Variants in CNTNAP2 observed in about 807,000 individuals in gnomAD.
CNTNAP2 encodes contactin-associated protein-like 2.
In CNTNAP2, 98 loss-of-function variants were observed where a neutral mutation model predicts 155.2. That is an observed-to-expected ratio of 0.63 (90% CI 0.54 to 0.75). The LOEUF is 0.75. Ranked by LOEUF, CNTNAP2 falls within the 30% of genes least tolerant of loss-of-function variation. CNTNAP2 has a pLI of 0.00. For synonymous variants in CNTNAP2, 651 were observed against 631.2 expected (o/e 1.03, Z -0.47); for missense variants, 1,727 against 1,688.1 (o/e 1.02, Z -0.40).
In CNTNAP2 at chr7:147,731,264, A is replaced by G. The variant is rs145060675; in HGVS notation, c.2098+91958A>G. ...CCATCTAGGACTTCTATAGCTAGAAAGAAAAAGTGGATGTCTGGCTTCAGG... is the reference window on the plus strand; with the variant it reads ...CCATCTAGGACTTCTATAGCTAGAAGGAAAAAGTGGATGTCTGGCTTCAGG... On this transcript the variant is annotated intron_variant, in intron 13 of 23. Coordinates refer to ENST00000361727, the MANE Select transcript of CNTNAP2 (RefSeq NM_014141.6). 3.3e-3 allele frequency among the ~76,000 whole-genome samples: 495 copies of G among 152,272 alleles called. 6 individuals carry two copies. Among genetic ancestry groups the G allele is most frequent in the African/African-American group, 0.011 (466 of 41,580 alleles).
At chr7:147,852,142 A>T (rs908789394) in intron 13 of CNTNAP2, among the ~76,000 whole-genome samples, 1 of 152,164 alleles carries the variant, frequency 6.6e-6, no homozygotes, top group Non-Finnish European at 1.5e-5. Context: ...TCAGGTTGTT[A>T]TCACATGGCC....
intron 14 of CNTNAP2, among the ~76,000 whole-genome samples, chr7:147,952,755 T>C (rs1231246440): frequency 6.6e-6 from 1 of 152,094 alleles, no homozygotes; most frequent in African/African-American, 2.4e-5. Flanking sequence ...CTTCCTGAAA[T>C]AATACTTATT....
chr7:147,955,872 A>C (rs1801010000), intron 14 of CNTNAP2, among the ~76,000 whole-genome samples: 1 of 152,214 alleles, frequency 6.6e-6, no homozygotes, highest in Non-Finnish European at 1.5e-5. Flanking sequence ...GTCTCCAAAG[A>C]ATGGCTTGTG....
chr7:146,498,220 G>A (rs996527017), intron 1 of CNTNAP2, among the ~76,000 whole-genome samples: 1 of 152,108 alleles, frequency 6.6e-6, no homozygotes, highest in African/African-American at 2.4e-5. Flanking sequence ...GATATCTGAG[G>A]AGGAATTATA....
intron 3 of CNTNAP2, among the ~76,000 whole-genome samples, chr7:146,899,895 T>G (rs893141122): frequency 6.6e-6 from 1 of 152,202 alleles, no homozygotes; most frequent in African/African-American, 2.4e-5. Context: ...TGGGAGCTTT[T>G]GGATATTAAC....
intron 1 of CNTNAP2, among the ~76,000 whole-genome samples, chr7:146,647,719 C>T (rs1258454164): frequency 2.0e-5 from 3 of 152,096 alleles, no homozygotes; most frequent in East Asian, 3.9e-4. Context: ...GCTCAAACTC[C>T]GTTTTGACCT....
At chr7:147,247,650 C>T (rs1003465911) in intron 8 of CNTNAP2, among the ~76,000 whole-genome samples, 1 of 152,114 alleles carries the variant, frequency 6.6e-6, no homozygotes, top group African/African-American at 2.4e-5. Flanking sequence ...GACAGAGATA[C>T]ATTGCTGTTA....
intron 14 of CNTNAP2, among the ~76,000 whole-genome samples, chr7:147,944,992 GCA>G (rs1800793190): frequency 6.6e-6 from 1 of 152,084 alleles, no homozygotes; most frequent in Non-Finnish European, 1.5e-5. Flanking sequence ...ATGCTCCCAG[GCA>G]CAGTTTCTTG....
At chr7:147,908,128 C>T (rs1007687880) in intron 14 of CNTNAP2, among the ~76,000 whole-genome samples, 4 of 152,080 alleles carry the variant, frequency 2.6e-5, no homozygotes, top group Admixed American at 6.6e-5. Flanking sequence ...GAAAACAGAG[C>T]GTGGCAAGTA....
intron 3 of CNTNAP2, among the ~76,000 whole-genome samples, chr7:146,982,657 T>G (rs933390017): frequency 3.3e-5 from 5 of 152,142 alleles, no homozygotes; most frequent in African/African-American, 1.2e-4. Flanking sequence ...CCAAGGGCAA[T>G]GGACCATAAG....
chr7:148,262,073 A>G (rs569788079), intron 20 of CNTNAP2, among the ~76,000 whole-genome samples: 15 of 152,330 alleles, frequency 9.8e-5, no homozygotes, highest in African/African-American at 3.4e-4. Context: ...AGGGACCCAT[A>G]TACCTTAGAG....
chr7:146,879,942 A>G (rs12533051), intron 3 of CNTNAP2, among the ~76,000 whole-genome samples: 9 of 152,156 alleles, frequency 5.9e-5, no homozygotes, highest in Admixed American at 2.0e-4. Context: ...ATGGTGGCAG[A>G]CAAGACAGAA....
chr7:147,274,471 G>T (rs1465363559), intron 8 of CNTNAP2, among the ~76,000 whole-genome samples: 1 of 152,026 alleles, frequency 6.6e-6, no homozygotes, highest in Non-Finnish European at 1.5e-5. Flanking sequence ...TATGACTTTT[G>T]ATAAATGTCT....
chr7:148,234,001 G>C (rs1411962774), intron 20 of CNTNAP2, among the ~76,000 whole-genome samples: 3 of 152,172 alleles, frequency 2.0e-5, no homozygotes, highest in African/African-American at 7.2e-5. Flanking sequence ...CTTCTACTAT[G>C]ATTGTAAGTT....
chr7:148,039,175 G>A (rs796127700), intron 15 of CNTNAP2, among the ~76,000 whole-genome samples: 43 of 152,284 alleles, frequency 2.8e-4, no homozygotes, highest in African/African-American at 1.0e-3. Context: ...AATTATTGGT[G>A]TAACTCTTAG....
intron 1 of CNTNAP2, among the ~76,000 whole-genome samples, chr7:146,168,944 A>G (rs1419217042): frequency 6.6e-6 from 1 of 151,984 alleles, no homozygotes; most frequent in African/African-American, 2.4e-5. Context: ...CTCATAACCT[A>G]CTATTCTCCC....
At chr7:146,148,091 G>C (rs1405412594) in intron 1 of CNTNAP2, among the ~76,000 whole-genome samples, 1 of 152,014 alleles carries the variant, frequency 6.6e-6, no homozygotes, top group African/African-American at 2.4e-5. Flanking sequence ...TTTGTTTAGT[G>C]CAGATTTTAC....
chr7:146,716,213 G>GAAAA (rs571237905), intron 1 of CNTNAP2, among the ~76,000 whole-genome samples: 1 of 113,066 alleles, frequency 8.8e-6, no homozygotes, highest in African/African-American at 3.0e-5. Context: ...AAGTCTGCAG[G>GAAAA]AAAAAAAAAA....
chr7:147,725,382 T>C (rs1796624863), intron 13 of CNTNAP2, among the ~76,000 whole-genome samples: 1 of 152,250 alleles, frequency 6.6e-6, no homozygotes, highest in South Asian at 2.1e-4. Context: ...GAAGCATAGA[T>C]GTTTTAAATG....
Sources: gnomAD v4.1 joint callset for allele counts (sites outside exome capture counted in the v4.1 genomes callset) on GRCh38, gnomAD v4.1.1 for gene constraint, MANE v1.5 for transcripts, NCBI Gene and HGNC (gene_info 2026-07-23, HGNC 2026-07-21) for gene names.